The following FOXP1 variants were observed in gnomAD, a reference collection of about 807,000 sequenced individuals.
FOXP1 encodes forkhead box P1.
FOXP1 carries 15 observed loss-of-function variants against 98.2 expected under a neutral mutation model. That is an observed-to-expected ratio of 0.15 (90% confidence interval 0.10 to 0.24). The LOEUF is 0.24. Ranked by LOEUF, FOXP1 falls within the 10% of genes least tolerant of loss-of-function variation. FOXP1 has a pLI of 1.00. For synonymous variants in FOXP1, 371 were observed against 314.5 expected, an observed-to-expected ratio of 1.18 and a Z score of -1.90; for missense variants, 633 against 848.5, an observed-to-expected ratio of 0.75 and a Z score of 3.15.
intron 3 of FOXP1, among the ~76,000 whole-genome samples, chr3:71,378,952 A>C (rs779805451): frequency 6.6e-6 from 1 of 152,152 alleles, no homozygotes; most frequent in Non-Finnish European, 1.5e-5. Flanking sequence ...AGAAAAAGGA[A>C]AGAGGGTCAT....
At chr3:71,121,368 A>G (rs1194126286) in intron 6 of FOXP1, among the ~76,000 whole-genome samples, 7 of 147,628 alleles carry the variant, frequency 4.7e-5, no homozygotes, top group African/African-American at 1.7e-4. Context: ...TCATGACACC[A>G]GAAAAAAAAA....
chr3:71,407,313 G>A (rs1456760249), intron 3 of FOXP1, among the ~76,000 whole-genome samples: 1 of 152,080 alleles, frequency 6.6e-6, no homozygotes, highest in African/African-American at 2.4e-5. Flanking sequence ...CTGGGGTGGG[G>A]GGTGGCGGGA....
At chr3:71,574,596 G>A (rs1424964120) in intron 2 of FOXP1, 1 of 152,066 alleles carries the variant, frequency 6.6e-6, no homozygotes, top group Non-Finnish European at 1.5e-5. Flanking sequence ...AATTTCCCAA[G>A]ATGCTTGGGA....
intron 3 of FOXP1, among the ~76,000 whole-genome samples, chr3:71,428,787 G>T (rs1464620854): frequency 1.3e-5 from 2 of 152,172 alleles, no homozygotes; most frequent in African/African-American, 4.8e-5. Flanking sequence ...ACACACAAAA[G>T]AAACTTGAAG....
At chr3:71,173,383 T>TCACACACACACACACA (rs3064895) in intron 6 of FOXP1, among the ~76,000 whole-genome samples, 7 of 143,308 alleles carry the variant, frequency 4.9e-5, no homozygotes, top group South Asian at 2.3e-4. Flanking sequence ...AAGAAAAAAT[T>TCACACACACACACACA]CACACACACA....
At chr3:71,106,660 A>G (rs1304305517) in intron 7 of FOXP1, among the ~76,000 whole-genome samples, 2 of 149,978 alleles carry the variant, frequency 1.3e-5, no homozygotes, top group African/African-American at 4.9e-5. Context: ...GAGTCTTGCT[A>G]TGTTACCCAG....
chr3:71,012,317 A>T (rs1184412753), intron 12 of FOXP1, among the ~76,000 whole-genome samples: 2 of 152,190 alleles, frequency 1.3e-5, no homozygotes, highest in East Asian at 3.8e-4. Context: ...TATAAATATG[A>T]TTAGGCAAAT....
chr3:71,172,623 G>C (rs1358287565), intron 6 of FOXP1, among the ~76,000 whole-genome samples: 3 of 152,176 alleles, frequency 2.0e-5, no homozygotes, highest in Non-Finnish European at 4.4e-5. Flanking sequence ...CAGAAGGCAG[G>C]AGGGCAGGGA....
At chr3:71,149,457 C>A (rs2060470013) in intron 6 of FOXP1, among the ~76,000 whole-genome samples, 1 of 152,116 alleles carries the variant, frequency 6.6e-6, no homozygotes, top group South Asian at 2.1e-4. Flanking sequence ...AGCTTGGCTG[C>A]ATTTTTACTT....
At chr3:71,582,520 C>T in intron 1 of FOXP1, 1 of 985,428 alleles carries the variant, frequency 1.0e-6, no homozygotes, top group Non-Finnish European at 1.2e-6. Flanking sequence ...AGCCATCGGC[C>T]GCCAGGACAG....
At chr3:71,322,923 G>GC (rs2107676806) in intron 4 of FOXP1, among the ~76,000 whole-genome samples, 1 of 151,824 alleles carries the variant, frequency 6.6e-6, no homozygotes, top group South Asian at 2.1e-4. Flanking sequence ...CAGAGCCCTT[G>GC]CCCCAAATGC....
chr3:71,010,134 T>C (rs1278955249), intron 12 of FOXP1, among the ~76,000 whole-genome samples: 2 of 152,054 alleles, frequency 1.3e-5, no homozygotes, highest in East Asian at 3.9e-4. Context: ...GAGGCTCAGA[T>C]GACATGTGGC....
At chr3:71,139,953 A>G (rs571403608) in intron 6 of FOXP1, among the ~76,000 whole-genome samples, 42 of 152,340 alleles carry the variant, frequency 2.8e-4, no homozygotes, top group South Asian at 1.0e-3. Flanking sequence ...TGAATTTAAA[A>G]AAAGACAAAT....
intron 9 of FOXP1, among the ~76,000 whole-genome samples, chr3:71,051,900 C>T (rs760660875): frequency 7.2e-5 from 11 of 152,146 alleles, no homozygotes; most frequent in East Asian, 1.9e-4. Context: ...CACTACCAAG[C>T]GTGGTGCATA....
intron 19 of FOXP1, among the ~76,000 whole-genome samples, chr3:70,967,876 G>T (rs1332278126): frequency 2.0e-5 from 3 of 151,702 alleles, no homozygotes; most frequent in African/African-American, 4.8e-5. Context: ...CTATTCCAAG[G>T]TCAGAATGTG....
chr3:71,378,310 G>A (rs927040263), intron 3 of FOXP1, among the ~76,000 whole-genome samples: 2 of 152,106 alleles, frequency 1.3e-5, no homozygotes, highest in African/African-American at 4.8e-5. Flanking sequence ...GTAATATACA[G>A]TATCATATAC....
At chr3:71,363,864 T>C (rs960597833) in intron 3 of FOXP1, among the ~76,000 whole-genome samples, 2 of 152,216 alleles carry the variant, frequency 1.3e-5, no homozygotes, top group African/African-American at 4.8e-5. Flanking sequence ...CTGAAGCCTC[T>C]GGCACCCTGC....
chr3:71,430,233 C>T (rs1036020011), intron 3 of FOXP1, among the ~76,000 whole-genome samples: 5 of 152,146 alleles, frequency 3.3e-5, no homozygotes, highest in Admixed American at 6.5e-5. Flanking sequence ...TGAGCGATTT[C>T]GGCATTGCTA....
rs535060494 is a variant in FOXP1, at chr3:71,258,355, A to G, written c.-12+41465T>C. On this transcript the variant is annotated intron_variant, in intron 5 of 20. Transcript: ENST00000649528. ...AAAAAAGACAGAGGATTGGCATCCA[A>G]CACTGAAGGAAGCAGTAACAGGAGC... Among the ~76,000 whole-genome samples the G allele has an allele frequency of 7.2e-5, 11 of 152,350 alleles. No homozygotes were observed. In the South Asian group the frequency reaches 1.0e-3, roughly 14 times the overall value.
Sources: allele counts gnomAD v4.1 joint callset (sites outside exome capture counted in the v4.1 genomes callset), GRCh38; gene constraint gnomAD v4.1.1; transcripts MANE v1.5; gene names NCBI Gene and HGNC (gene_info 2026-07-23, HGNC 2026-07-21).